The following USP24 variants were observed in gnomAD, a reference collection of about 807,000 sequenced individuals.
The protein encoded by USP24 is ubiquitin carboxyl-terminal hydrolase 24.
USP24 carries 97 observed loss-of-function variants against 361.6 expected under a neutral mutation model. That is an observed-to-expected ratio of 0.27 (90% confidence interval 0.23 to 0.32). The LOEUF (loss-of-function observed/expected upper bound fraction) is 0.32, where lower values mean the gene tolerates loss of function less well. Ranked by LOEUF, USP24 falls within the 10% of genes least tolerant of loss-of-function variation. USP24 has a pLI of 1.00. For synonymous variants in USP24, 1,098 were observed against 1,124.6 expected (o/e 0.98, Z 0.47); for missense variants, 2,353 against 3,165.6 (o/e 0.74, Z 6.16).
chr1:55,203,249 G>T (rs1398620761), intron 1 of USP24, among the ~76,000 whole-genome samples: 1 of 152,176 alleles, frequency 6.6e-6, no homozygotes, highest in East Asian at 1.9e-4. Context: ...TTATGAGGAA[G>T]GATATATTAA....
At chr1:55,147,125 C>A in intron 18 of USP24, 65 bp from the exon 19 acceptor site, 2 of 1,429,990 alleles carry the variant, frequency 1.4e-6, no homozygotes, top group South Asian at 1.5e-5. Flanking sequence ...AACATTAAAA[C>A]AAAACAAAAC....
At position 55,177,989 on chromosome 1, in the gene USP24, T is replaced by C. The variant is rs1366184654; in HGVS notation, c.468A>G (p.Ala156=). The C allele has an allele frequency of 1.3e-6, 2 of 1,551,650 alleles. No individual in the cohort carries two copies. Among genetic ancestry groups the C allele is most frequent in the Admixed American group, 2.0e-5 (1 of 50,986 alleles). Reference sequence around the variant, plus strand: ...TACCAAGTCTTGCTAGGTAGGTAGATGCCAACAGGCATTTGCCTAGTGATT... The same window carrying C: ...TACCAAGTCTTGCTAGGTAGGTAGACGCCAACAGGCATTTGCCTAGTGATT... The part of the protein sequence containing the change: ...REESLGKCLL[A]STYLARLGLS... The change falls in exon 2 of 68, where the codon GCA becomes GCG. Residue 156 remains alanine, a synonymous_variant. Coordinates refer to ENST00000294383, the MANE Select transcript of USP24 (RefSeq NM_015306.3).
intron 1 of USP24, 42 bp downstream of exon 1, chr1:55,214,748 C>T (rs761567105): frequency 5.8e-5 from 69 of 1,183,264 alleles, no homozygotes; most frequent in Middle Eastern, 2.2e-4. Context: ...GGAACTCCAG[C>T]CCAGTGGCTT....
At position 55,215,361 on chromosome 1, in the gene USP24, T is replaced by C. The variant is rs1243961475; in HGVS notation, c.-248A>G. On this transcript the variant is annotated 5_prime_UTR_variant, in exon 1 of 68. Transcript: ENST00000294383. ...AGCCCTGCGCGCCGCCATGTTGGCC[T>C]CCTCCCCCTCCGCCTCCTCCTCCCC... Among the ~76,000 whole-genome samples the C allele has an allele frequency of 6.6e-6, 1 of 151,696 alleles. No individual in the cohort carries two copies. The highest frequency in any genetic ancestry group is 1.5e-5 in the Non-Finnish European group (1 of 67,858).
At chr1:55,088,038 A>G (rs1645291919) in intron 55 of USP24, among the ~76,000 whole-genome samples, 1 of 152,260 alleles carries the variant, frequency 6.6e-6, no homozygotes, top group South Asian at 2.1e-4. Context: ...GACAAAAACC[A>G]GATCAAGCAA....
Position 55,101,568 on chromosome 1 carries a change from A to G in USP24, c.5145+16T>C. 6.3e-7 allele frequency: 1 copy of G among 1,596,916 alleles called. No homozygotes were observed. The highest frequency in any genetic ancestry group is 8.5e-7 in the Non-Finnish European group (1 of 1,171,210). On this transcript the variant is annotated intron_variant, in intron 43 of 67. Transcript: ENST00000294383. ...TATTATCTATCGTACCAAAAAGGAT[A>G]GAAAAAAGAAATCACCTCAGGGAGC...
Position 55,122,590 on chromosome 1 carries a change from T to C in USP24, c.4276+857A>G, listed in dbSNP as rs530376655. On this transcript the variant is annotated intron_variant, in intron 36 of 67. Coordinates refer to ENST00000294383, the MANE Select transcript of USP24 (RefSeq NM_015306.3). Reference sequence around the variant, plus strand: ...AAGATGAGTTAGGGCACTCTTGCTATAGTCCAAGTAGGAAGCAATGGCAGC... The same window carrying C: ...AAGATGAGTTAGGGCACTCTTGCTACAGTCCAAGTAGGAAGCAATGGCAGC... Among the ~76,000 whole-genome samples the C allele has an allele frequency of 2.6e-5, 4 of 152,240 alleles. No individual in the cohort carries two copies. In the South Asian group the frequency reaches 6.2e-4, roughly 24 times the overall value.
intron 61 of USP24, 52 bp downstream of exon 61, chr1:55,078,486 A>T: frequency 6.9e-7 from 1 of 1,454,630 alleles, no homozygotes; most frequent in Non-Finnish European, 9.4e-7. Flanking sequence ...ATGCTCTCCT[A>T]GAGTCTCACT....
intron 1 of USP24, among the ~76,000 whole-genome samples, chr1:55,188,055 G>T (rs890440726): frequency 3.3e-5 from 5 of 152,154 alleles, no homozygotes; most frequent in Admixed American, 3.3e-4. Flanking sequence ...TGAATCAATG[G>T]AATATAATGG....
intron 58 of USP24, 52 bp from the exon 59 acceptor site, chr1:55,081,476 T>C (rs1412962130): frequency 5.2e-6 from 8 of 1,532,892 alleles, no homozygotes; most frequent in Non-Finnish European, 7.2e-6. Context: ...AGAAATAATA[T>C]GAAGAGGAAG....
At position 55,215,067 on chromosome 1, in the gene USP24, C is replaced by T; in HGVS notation, c.47G>A (p.Gly16Asp). 2 of 1,437,628 alleles carry T rather than the reference C, an allele frequency of 1.4e-6. No homozygotes were observed. Among genetic ancestry groups the T allele is most frequent in the Non-Finnish European group, 1.8e-6 (2 of 1,090,558 alleles). The allele number at this position is 1,437,628 out of a possible 1,614,324, so 89.1% of individuals were successfully genotyped here. ...GCGGATGGTGGCGGGGTCTGAGAAG[C>T]CCATGCACAGCAGCGTGGTCATGTG... ...EQHMTTLLCM[G>D]FSDPATIRKA... Residue 16 changes from glycine to aspartate, a missense_variant, in exon 1 of 68, where the codon GGC (glycine) becomes GAC (aspartate). By Grantham distance (94) the Gly-to-Asp change is moderately conservative. Around this residue, in one of 8 missense-constraint regions of USP24, gnomAD observed 253 missense variants for 255.3 expected, o/e 0.99. Transcript: ENST00000294383.
At chr1:55,202,949 T>A (rs814082) in intron 1 of USP24, among the ~76,000 whole-genome samples, 2 of 152,066 alleles carry the variant, frequency 1.3e-5, no homozygotes, top group African/African-American at 4.8e-5. Flanking sequence ...CACTTTTGAG[T>A]GTGAGTACAG....
chr1:55,206,969 C>G (rs1222251483), intron 1 of USP24, among the ~76,000 whole-genome samples: 2 of 152,038 alleles, frequency 1.3e-5, no homozygotes, highest in Non-Finnish European at 2.9e-5. Flanking sequence ...GAGTTCGAGA[C>G]CAGCCTGCGC....
chr1:55,095,178 T>A (rs561437070), intron 51 of USP24, 77 bp downstream of exon 51: 4 of 1,418,394 alleles, frequency 2.8e-6, no homozygotes, highest in Non-Finnish European at 2.8e-6. Flanking sequence ...ATCTTTAAAA[T>A]CTCAAATAGT....
chr1:55,145,336 C>T (rs141759750), intron 20 of USP24, among the ~76,000 whole-genome samples: 2,574 of 152,236 alleles, frequency 0.017, 47 homozygotes, highest in African/African-American at 0.04. Flanking sequence ...TAAAAAGGAA[C>T]GAAGTACTGA....
At chr1:55,192,046 A>T (rs1644303252) in intron 1 of USP24, among the ~76,000 whole-genome samples, 1 of 152,248 alleles carries the variant, frequency 6.6e-6, no homozygotes. Flanking sequence ...CACAGGTGAT[A>T]TCCTAACTGG....
intron 67 of USP24, among the ~76,000 whole-genome samples, chr1:55,069,477 T>A (rs1644876135): frequency 1.3e-5 from 2 of 152,204 alleles, no homozygotes; most frequent in Admixed American, 6.5e-5. Context: ...AAATATGGGC[T>A]CTGGGTCACT....
chr1:55,095,847 TGCTTAACTATAATG>T (rs1293301482), intron 50 of USP24, among the ~76,000 whole-genome samples: 1 of 152,232 alleles, frequency 6.6e-6, no homozygotes, highest in Non-Finnish European at 1.5e-5. Context: ...CACCATAAGA[TGCTTAACTATAATG>T]GCATGGTATC....
At chr1:55,204,258 A>G (rs1410388081) in intron 1 of USP24, among the ~76,000 whole-genome samples, 1 of 152,206 alleles carries the variant, frequency 6.6e-6, no homozygotes, top group Non-Finnish European at 1.5e-5. Flanking sequence ...AGAGATTTTT[A>G]GCCTAAAATA....
Sources: allele counts gnomAD v4.1 joint callset (sites outside exome capture counted in the v4.1 genomes callset), GRCh38; gene constraint gnomAD v4.1.1; regional missense constraint gnomAD v4.1.1; transcripts MANE v1.5; gene names NCBI Gene and HGNC (gene_info 2026-07-23, HGNC 2026-07-21).